Variants in ENOX2 observed in about 807,000 individuals in gnomAD.
ENOX2 encodes ecto-NOX disulfide-thiol exchanger 2, also known as APK1 antigen.
ENOX2 carries 36 observed loss-of-function variants against 45.0 expected under a neutral mutation model. The ratio of observed to expected loss-of-function variants is 0.80; its 90% CI spans 0.61 to 1.06. The LOEUF is 1.06. Ranked by LOEUF, ENOX2 falls within the 50% of genes least tolerant of loss-of-function variation. ENOX2 has a pLI of 0.00. For missense variants in ENOX2, 423 were observed against 462.5 expected, an observed-to-expected ratio of 0.91 and a Z score of 0.78; for synonymous variants, 174 against 152.3, an observed-to-expected ratio of 1.14 and a Z score of -1.05.
At chrX:130,676,843 T>C (rs994382759) in intron 6 of ENOX2, among the ~76,000 whole-genome samples, 3 of 111,810 alleles carry the variant, frequency 2.7e-5, no homozygotes, top group Non-Finnish European at 5.6e-5. Context: ...ATCTCTCCTC[T>C]AATACAGTTT....
At chrX:130,828,972 G>A (rs1029807462) in intron 2 of ENOX2, among the ~76,000 whole-genome samples, 1 of 111,759 alleles carries the variant, frequency 8.9e-6, no homozygotes, top group African/African-American at 3.3e-5. Context: ...TCAAAAGGAA[G>A]ATTTCACTGT....
intron 12 of ENOX2, 36 bp from the exon 13 acceptor site, chrX:130,631,612 T>A: frequency 1.2e-6 from 1 of 831,090 alleles, no homozygotes; most frequent in Non-Finnish European, 1.8e-6. Context: ...CAGTTCACTT[T>A]ATTTGGCAAT....
chrX:130,636,573 T>C (rs1271168627), intron 11 of ENOX2, among the ~76,000 whole-genome samples: 1 of 112,536 alleles, frequency 8.9e-6, no homozygotes, highest in Non-Finnish European at 1.9e-5. Context: ...GTGGTGATGG[T>C]TACGTAAAAC....
At chrX:130,765,112 T>C (rs1233514039) in intron 3 of ENOX2, among the ~76,000 whole-genome samples, 2 of 111,504 alleles carry the variant, frequency 1.8e-5, no homozygotes, top group Non-Finnish European at 3.8e-5. Flanking sequence ...TATGAATTTG[T>C]ATTTATTTTA....
chrX:130,822,681 G>A (rs1264607211), intron 2 of ENOX2, among the ~76,000 whole-genome samples: 1 of 110,695 alleles, frequency 9.0e-6, no homozygotes, highest in Non-Finnish European at 1.9e-5. Flanking sequence ...AATGCTAAAT[G>A]ATGAGTTAAT....
At chrX:130,655,808 G>T (rs1327778178) in intron 10 of ENOX2, among the ~76,000 whole-genome samples, 2 of 111,662 alleles carry the variant, frequency 1.8e-5, no homozygotes, top group African/African-American at 6.5e-5. Flanking sequence ...CTAATTTTTT[G>T]TATTTTTAGT....
In ENOX2 at chrX:130,866,182, G is replaced by A. The variant is rs761570869; in HGVS notation, c.-183+35502C>T. Among the ~76,000 whole-genome samples the A allele has an allele frequency of 4.5e-5, 5 of 111,070 alleles. No homozygotes were observed. The South Asian group carries it at 1.9e-3, about 43-fold the overall frequency. Reference sequence around the variant, plus strand: ...CAATCCTCTTTTCCTAATCAATCAAGTCCTATTCATTATACCATTAAAATA... The same window carrying A: ...CAATCCTCTTTTCCTAATCAATCAAATCCTATTCATTATACCATTAAAATA... On this transcript the variant is annotated intron_variant, in intron 2 of 14. Transcript: ENST00000394363.
chrX:130,742,222 T>A (rs1460800945), intron 3 of ENOX2, among the ~76,000 whole-genome samples: 1 of 107,008 alleles, frequency 9.3e-6, no homozygotes, highest in Admixed American at 1.0e-4. Flanking sequence ...TAAGAACATG[T>A]CTGGTTTGGT....
intron 3 of ENOX2, among the ~76,000 whole-genome samples, chrX:130,751,226 C>T (rs754351999): frequency 8.9e-6 from 1 of 111,902 alleles, no homozygotes; most frequent in African/African-American, 3.2e-5. Context: ...TAGCCACCGG[C>T]AACCACCAAT....
chrX:130,688,784 G>A, intron 5 of ENOX2, 79 bp downstream of exon 5: 1 of 798,950 alleles, frequency 1.3e-6, no homozygotes, highest in African/African-American at 2.1e-5. Context: ...AAGCCCTTGG[G>A]TATTCTTTTG....
intron 10 of ENOX2, among the ~76,000 whole-genome samples, chrX:130,650,212 G>A (rs976962835): frequency 8.9e-6 from 1 of 112,081 alleles, no homozygotes; most frequent in Non-Finnish European, 1.9e-5. Context: ...GATTAGAGGC[G>A]TATTCTCCAG....
intron 3 of ENOX2, among the ~76,000 whole-genome samples, chrX:130,777,252 A>C (rs1434282343): frequency 9.0e-6 from 1 of 110,986 alleles, no homozygotes; most frequent in Non-Finnish European, 1.9e-5. Context: ...TAATCTCAGC[A>C]CTTTGGGAGG....
intron 9 of ENOX2, among the ~76,000 whole-genome samples, chrX:130,665,117 T>C (rs761907788): frequency 1.9e-4 from 21 of 112,225 alleles, no homozygotes; most frequent in African/African-American, 5.8e-4. Context: ...CACTTGAGTA[T>C]AAGCAGAGAG....
intron 6 of ENOX2, among the ~76,000 whole-genome samples, chrX:130,673,070 G>A (rs868058784): frequency 7.1e-5 from 8 of 111,960 alleles, no homozygotes; most frequent in African/African-American, 1.6e-4. Flanking sequence ...ACCTGTAGGC[G>A]CCACCTACTC....
intron 3 of ENOX2, among the ~76,000 whole-genome samples, chrX:130,751,165 A>G (rs2039210988): frequency 9.0e-6 from 1 of 111,208 alleles, no homozygotes; most frequent in African/African-American, 3.3e-5. Flanking sequence ...CATCACTCCA[A>G]AAGAAAAGCC....
At chrX:130,652,834 G>C (rs910970073) in intron 10 of ENOX2, among the ~76,000 whole-genome samples, 2 of 112,185 alleles carry the variant, frequency 1.8e-5, no homozygotes, top group Middle Eastern at 4.6e-3. Flanking sequence ...ACCAGACAAG[G>C]AACATCAAAG....
chrX:130,779,045 A>G (rs1459217831), intron 3 of ENOX2, among the ~76,000 whole-genome samples: 1 of 112,843 alleles, frequency 8.9e-6, no homozygotes, highest in East Asian at 2.8e-4. Flanking sequence ...GAAGTATTTC[A>G]TGAAAGAGTT....
chrX:130,649,133 C>T (rs2036332236), intron 10 of ENOX2, among the ~76,000 whole-genome samples: 1 of 100,387 alleles, frequency 1.0e-5, no homozygotes, highest in East Asian at 3.5e-4. Context: ...TCTCTGCCTA[C>T]ACTGGCTCCC....
chrX:130,736,540 T>C (rs2038865956), intron 3 of ENOX2, among the ~76,000 whole-genome samples: 3 of 112,410 alleles, frequency 2.7e-5, no homozygotes, highest in African/African-American at 6.5e-5. Flanking sequence ...ACAGCCCATG[T>C]AGTCACTTGT....
Sources: allele counts gnomAD v4.1 joint callset (sites outside exome capture counted in the v4.1 genomes callset), GRCh38; gene constraint gnomAD v4.1.1; transcripts MANE v1.5; gene names NCBI Gene and HGNC (gene_info 2026-07-23, HGNC 2026-07-21).